SLC17A5: variants seen among roughly 807,000 people sequenced by gnomAD.
SLC17A5 encodes solute carrier family 17 member 5.
In SLC17A5, 47 loss-of-function variants were observed where a neutral mutation model predicts 59.4. That is an observed-to-expected ratio of 0.79 (90% CI 0.63 to 1.01). The LOEUF is 1.01. SLC17A5 is among the 50% of genes least tolerant of loss of function. The probability of loss-of-function intolerance (pLI) is 0.00; values close to 1 mark genes in which losing one functional copy is unlikely to be tolerated. For missense variants in SLC17A5, 522 were observed against 595.5 expected (o/e 0.88, Z 1.28); for synonymous variants, 202 against 210.7 (o/e 0.96, Z 0.36).
chr6:73,653,949 C>G lies in SLC17A5; in HGVS notation c.-63G>C. 1.4e-6 allele frequency: 2 copies of G among 1,439,480 alleles called. No individual in the cohort carries two copies. The highest frequency in any genetic ancestry group is 1.2e-5 in the South Asian group (1 of 81,694). The allele number at this position is 1,439,480 out of a possible 1,614,324, so 89.2% of individuals were successfully genotyped here. A position where few individuals can be genotyped will look rare whatever the true frequency, so the allele number is the denominator to read the frequency against. On this transcript the variant is annotated 5_prime_UTR_variant, in exon 1 of 11. Coordinates refer to ENST00000355773, the MANE Select transcript of SLC17A5 (RefSeq NM_012434.5). Reference sequence around the variant, plus strand: ...AGAAGGGAGCGCCGGCCCGACAGCCCGAAGCCCCCGGGCCGAGCTGGCTGG... The same window carrying G: ...AGAAGGGAGCGCCGGCCCGACAGCCGGAAGCCCCCGGGCCGAGCTGGCTGG...
chr6:73,643,953 T>C (rs2150120404), intron 2 of SLC17A5, among the ~76,000 whole-genome samples: 1 of 152,314 alleles, frequency 6.6e-6, no homozygotes, highest in African/African-American at 2.4e-5. Context: ...AGGTTGGGCA[T>C]GTGTACATTC....
rs746676753 is a variant in SLC17A5, at chr6:73,636,668, C to T, written c.653G>A (p.Gly218Glu). 1 of 1,611,834 alleles carries T rather than the reference C, an allele frequency of 6.2e-7. No individual in the cohort carries two copies. The highest frequency in any genetic ancestry group is 2.2e-5 in the East Asian group (1 of 44,874). ...LGTVISLPLS[G>E]IICYYMNWTY... ...CCAATTCATATAGTAGCAAATTATTCCAGAAAGAGGAAGAGAAATTACTGT... is the reference window on the plus strand; with the variant it reads ...CCAATTCATATAGTAGCAAATTATTTCAGAAAGAGGAAGAGAAATTACTGT... Residue 218 changes from glycine to glutamate, a missense_variant, in exon 5 of 11, where the codon GGA becomes GAA. Transcript: ENST00000355773.
At chr6:73,606,923 T>C (rs576909039) in intron 9 of SLC17A5, among the ~76,000 whole-genome samples, 13 of 152,352 alleles carry the variant, frequency 8.5e-5, no homozygotes, top group African/African-American at 2.4e-4. Context: ...CTACTATATT[T>C]TCTTTATTCT....
At chr6:73,641,243 C>A (rs1769270503) in intron 3 of SLC17A5, among the ~76,000 whole-genome samples, 2 of 152,104 alleles carry the variant, frequency 1.3e-5, no homozygotes, top group Non-Finnish European at 2.9e-5. Flanking sequence ...CCATGCCCGG[C>A]TAATTTTTGT....
At chr6:73,614,718 G>C (rs1197412149) in intron 8 of SLC17A5, among the ~76,000 whole-genome samples, 2 of 152,150 alleles carry the variant, frequency 1.3e-5, no homozygotes, top group Non-Finnish European at 2.9e-5. Flanking sequence ...AAAGGGACAG[G>C]GTTTGGATGA....
At chr6:73,649,082 C>T (rs553703229) in intron 1 of SLC17A5, among the ~76,000 whole-genome samples, 100 of 151,862 alleles carry the variant, frequency 6.6e-4, no homozygotes, top group Admixed American at 1.4e-3. Flanking sequence ...ACTGCAACCT[C>T]CATCTTCCAG....
chr6:73,610,115 C>T (rs1200780544), intron 9 of SLC17A5, among the ~76,000 whole-genome samples: 1 of 151,900 alleles, frequency 6.6e-6, no homozygotes, highest in Non-Finnish European at 1.5e-5. Flanking sequence ...CTCACTGCAA[C>T]CTCTGCCTCC....
rs1488296714 is a variant in SLC17A5 at position 73,601,357 on chromosome 6, G to A, written c.1260-916C>T. On this transcript the variant is annotated intron_variant, in intron 9 of 10. Transcript: ENST00000355773. ...AGCCCCTCTGCCCGGCAGCCACCCC[G>A]TCTGGGAAGTGAGGAGCGTCTCCGC... Among the ~76,000 whole-genome samples the A allele has an allele frequency of 4.9e-5, 7 of 144,086 alleles. No homozygotes were observed. The South Asian group carries it at 9.0e-4, about 19-fold the overall frequency. 94.5% of individuals were successfully genotyped at this position (144,086 alleles called of 152,430 possible).
chr6:73,612,810 G>C (rs1744244541), intron 8 of SLC17A5, among the ~76,000 whole-genome samples: 1 of 152,176 alleles, frequency 6.6e-6, no homozygotes, highest in South Asian at 2.1e-4. Context: ...CCAGCACTTT[G>C]AAAGGCTGAG....
chr6:73,597,246 T>C (rs1452087623), intron 10 of SLC17A5, among the ~76,000 whole-genome samples: 3 of 150,976 alleles, frequency 2.0e-5, no homozygotes. Flanking sequence ...GGTGGGCGGA[T>C]CACGAGGTCA....
rs111362961 is a variant in SLC17A5, at chr6:73,606,028, G to GATTTATTT, written c.1259+4364_1259+4371dup. On this transcript the variant is annotated intron_variant, in intron 9 of 10. Transcript: ENST00000355773. ...ATAATAATAATTTTGAATTTGATGA[G>GATTTATTT]ATTTATTTATTTATTTATTTATTTA... 2.9e-3 allele frequency among the ~76,000 whole-genome samples: 437 copies of GATTTATTT among 148,752 alleles called. 2 individuals carry two copies. Among genetic ancestry groups the GATTTATTT allele is most frequent in the African/African-American group, 0.011 (423 of 39,976 alleles).
In SLC17A5 at chr6:73,635,884, G is replaced by T. The variant is rs188879600; in HGVS notation, c.701-384C>A. Among the ~76,000 whole-genome samples the T allele has an allele frequency of 2.6e-5, 4 of 152,090 alleles. No individual in the cohort carries two copies. In the East Asian group the frequency reaches 7.7e-4, roughly 29 times the overall value. ...GCCTCCTGAGTAGCTGGGACTACAG[G>T]CACGTGCCACCACGCCTGGCTAATT... On this transcript the variant is annotated intron_variant, in intron 5 of 10. Transcript: ENST00000355773.
chr6:73,613,148 T>C (rs1037394711), intron 8 of SLC17A5, among the ~76,000 whole-genome samples: 3 of 152,234 alleles, frequency 2.0e-5, no homozygotes, highest in Non-Finnish European at 4.4e-5. Flanking sequence ...ATAATAATGC[T>C]AGTAAATATT....
chr6:73,639,681 A>G (rs572693837), intron 3 of SLC17A5, among the ~76,000 whole-genome samples: 2 of 152,358 alleles, frequency 1.3e-5, no homozygotes, highest in East Asian at 1.9e-4. Context: ...GAATGAGGAA[A>G]TGCACCTGTG....
At chr6:73,621,018 T>A (rs1331312336) in intron 7 of SLC17A5, among the ~76,000 whole-genome samples, 3 of 151,096 alleles carry the variant, frequency 2.0e-5, no homozygotes. Flanking sequence ...TTATTATTAT[T>A]TTTTGAGATG....
At chr6:73,619,270 G>T (rs910949862) in intron 7 of SLC17A5, among the ~76,000 whole-genome samples, 1 of 152,170 alleles carries the variant, frequency 6.6e-6, no homozygotes, top group East Asian at 1.9e-4. Context: ...TAACGGATTT[G>T]CTCCATGCAG....
intron 1 of SLC17A5, among the ~76,000 whole-genome samples, chr6:73,650,213 AAAG>A (rs1562002855): frequency 1.2e-4 from 17 of 136,854 alleles, no homozygotes; most frequent in Admixed American, 1.6e-4. Flanking sequence ...AAAAAAAAAA[AAAG>A]AAAGAAAAAA....
At chr6:73,636,795 A>G in intron 4 of SLC17A5, 88 bp from the exon 5 acceptor site, 1 of 979,866 alleles carries the variant, frequency 1.0e-6, no homozygotes, top group South Asian at 1.3e-5. Context: ...GAGGATGGGT[A>G]ACAGGCTGGG....
chr6:73,650,072 A>C (rs1294369371), intron 1 of SLC17A5, among the ~76,000 whole-genome samples: 1 of 151,936 alleles, frequency 6.6e-6, no homozygotes, highest in Non-Finnish European at 1.5e-5. Context: ...AAGAAAATAA[A>C]GTGTTGGGCT....
Sources: gnomAD v4.1 joint callset for allele counts (sites outside exome capture counted in the v4.1 genomes callset) on GRCh38, gnomAD v4.1.1 for gene constraint, MANE v1.5 for transcripts, NCBI Gene and HGNC (gene_info 2026-07-23, HGNC 2026-07-21) for gene names.